Variants in COL4A1 observed in about 807,000 individuals in gnomAD.
COL4A1 encodes the protein collagen type IV alpha 1 chain.
In COL4A1, 40 loss-of-function variants were observed where a neutral mutation model predicts 216.6. The observed-to-expected ratio is 0.18, with a 90% CI of 0.14 to 0.24. The LOEUF (loss-of-function observed/expected upper bound fraction) is 0.24. COL4A1 is among the 10% of genes least tolerant of loss of function. COL4A1 has a pLI of 1.00. For missense variants in COL4A1, 1,628 were observed against 2,196.8 expected (o/e 0.74, Z 5.18); for synonymous variants, 839 against 810.7 (o/e 1.03, Z -0.59).
chr13:110,296,139 A>C (rs1406631990), intron 1 of COL4A1, among the ~76,000 whole-genome samples: 1 of 152,260 alleles, frequency 6.6e-6, no homozygotes, highest in Non-Finnish European at 1.5e-5. Context: ...CTCCTCTCTG[A>C]GTGGCTATGA....
rs576169751 is a variant in COL4A1 at position 110,174,521 on chromosome 13, G to A, written c.3331C>T (p.Pro1111Ser). The A allele has an allele frequency of 6.2e-7, 1 of 1,614,048 alleles. No homozygotes were observed. Among genetic ancestry groups the A allele is most frequent in the South Asian group, 1.1e-5 (1 of 91,064 alleles). The change falls in exon 39 of 52, where the codon CCT becomes TCT. Residue 1111 changes from proline to serine, a missense_variant. Pro to Ser is a moderately conservative substitution (Grantham distance 74, BLOSUM62 -1). This residue lies in a region of COL4A1 where 345 missense variants were observed against 476.9 expected (regional missense o/e 0.72). Transcript: ENST00000375820. Reference sequence around the variant, plus strand: ...TCACCTTTTTCTCCAGGTAGCCCAGGACTTCCTAAAGAAAAAAACAAAACA... The same window carrying A: ...TCACCTTTTTCTCCAGGTAGCCCAGAACTTCCTAAAGAAAAAAACAAAACA... ...SPGSVGYPGS[P>S]GLPGEKGDKG...
chr13:110,200,676 G>C (rs1879148378), intron 20 of COL4A1, among the ~76,000 whole-genome samples, 178 bp downstream of exon 20: 1 of 152,128 alleles, frequency 6.6e-6, no homozygotes, highest in African/African-American at 2.4e-5. Context: ...ACTTACAAAA[G>C]ACAAGATACT....
Position 110,198,476 on chromosome 13 carries a change from C to T in COL4A1, c.1276G>A (p.Gly426Ser). The change falls in exon 21 of 52, where the codon GGC becomes AGC. Residue 426 changes from glycine to serine, a missense_variant. This residue lies in a region of COL4A1 where 701 missense variants were observed against 892.5 expected (regional missense o/e 0.79). Transcript: ENST00000375820. ...PGSPGPPGQP[G>S]YTNGIVECQP... ...TTCTGAGGGAACTCACTTGTGTAGC[C>T]AGGCTGCCCAGGGGGCCCAGGGGAA... 1.2e-6 allele frequency: 2 copies of T among 1,613,858 alleles called. No individual in the cohort carries two copies. The highest frequency in any genetic ancestry group is 1.7e-6 in the Non-Finnish European group (2 of 1,179,974).
At position 110,177,784 on chromosome 13, in the gene COL4A1, C is replaced by T. The variant is rs922983312; in HGVS notation, c.2716+58G>A. On this transcript the variant is annotated intron_variant, in intron 33 of 51. Transcript: ENST00000375820. ...TGATCTATGACAACTTGAGAATTTC[C>T]CAAGTGGCATCGAGAAATAGACACA... The T allele has an allele frequency of 2.6e-5, 40 of 1,554,716 alleles. No individual in the cohort carries two copies. The South Asian group carries it at 4.3e-4, about 17-fold the overall frequency.
intron 1 of COL4A1, among the ~76,000 whole-genome samples, chr13:110,243,115 G>T (rs1038722436): frequency 2.0e-5 from 3 of 152,164 alleles, no homozygotes; most frequent in African/African-American, 7.2e-5. Context: ...TTATTTAGAG[G>T]TGTCAGACCT....
At chr13:110,300,179 G>A (rs1267934200) in intron 1 of COL4A1, among the ~76,000 whole-genome samples, 3 of 152,102 alleles carry the variant, frequency 2.0e-5, no homozygotes, top group Non-Finnish European at 4.4e-5. Flanking sequence ...TTATCATTGA[G>A]TTTATCTGTA....
At chr13:110,163,793 T>G (rs1296214523) in intron 46 of COL4A1, among the ~76,000 whole-genome samples, 1 of 152,086 alleles carries the variant, frequency 6.6e-6, no homozygotes, top group African/African-American at 2.4e-5. Context: ...CGTTCTGAGT[T>G]CTCCCTGGTT....
intron 1 of COL4A1, among the ~76,000 whole-genome samples, chr13:110,248,044 T>C (rs1057110613): frequency 2.0e-5 from 3 of 152,130 alleles, no homozygotes; most frequent in Non-Finnish European, 4.4e-5. Flanking sequence ...TCCCACCAAA[T>C]AGGGACATGT....
In COL4A1 at chr13:110,205,512, T is replaced by C; in HGVS notation, c.885A>G (p.Lys295=). 1 of 1,608,548 alleles carries C rather than the reference T, an allele frequency of 6.2e-7. No homozygotes were observed. The highest frequency in any genetic ancestry group is 8.5e-7 in the Non-Finnish European group (1 of 1,179,868). ...CACTTACGGGACTCCCTTTTTCCCC[T>C]TTGTCACCATCTTTTCCGGGTTTGC... ...PRGKPGKDGD[K]GEKGSPGFPG... is the part of the protein sequence containing the mutation. Residue 295 remains lysine, a synonymous_variant, in exon 16 of 52, where the codon AAA becomes AAG. Coordinates refer to ENST00000375820, the MANE Select transcript of COL4A1 (RefSeq NM_001845.6).
chr13:110,187,272 C>T lies in COL4A1; in HGVS notation c.1594G>A (p.Glu532Lys), dbSNP rs1418632130. 2 of 1,613,408 alleles carry T rather than the reference C, an allele frequency of 1.2e-6. No individual in the cohort carries two copies. The highest frequency in any genetic ancestry group is 3.3e-5 in the Admixed American group (2 of 60,000). ...GQPGAKGEPG[E>K]FYFDLRLKGD... ...TTGAGCCGCAAGTCGAAATAAAACTCACCAGGCTCCCCCTTGGCTCCTGGC... is the reference window on the plus strand; with the variant it reads ...TTGAGCCGCAAGTCGAAATAAAACTTACCAGGCTCCCCCTTGGCTCCTGGC... Residue 532 changes from glutamate (E) to lysine (K), a missense_variant, in exon 25 of 52, where the codon GAG becomes AAG. By Grantham distance (56) the Glu-to-Lys change is moderately conservative (BLOSUM62 1). Around this residue, in one of 8 missense-constraint regions of COL4A1, gnomAD observed 701 missense variants for 892.5 expected, o/e 0.79. Coordinates refer to ENST00000375820, the MANE Select transcript of COL4A1 (RefSeq NM_001845.6).
chr13:110,162,168 G>A (rs1358153045), intron 48 of COL4A1, 62 bp downstream of exon 48: 2 of 1,449,234 alleles, frequency 1.4e-6, no homozygotes, highest in Non-Finnish European at 1.9e-6. Flanking sequence ...GTCCAGCACT[G>A]CACACCGAAG....
At chr13:110,227,387 G>GACACACACACAC (rs373355054) in intron 2 of COL4A1, among the ~76,000 whole-genome samples, 9 of 138,762 alleles carry the variant, frequency 6.5e-5, no homozygotes, top group Admixed American at 2.2e-4. Flanking sequence ...GGGTACGGTA[G>GACACACACACAC]ACACACACAC....
In COL4A1 at chr13:110,195,060, T is replaced by C. The variant is rs761466831; in HGVS notation, c.1344A>G (p.Pro448=). 10 of 1,614,026 alleles carry C rather than the reference T, an allele frequency of 6.2e-6. No individual in the cohort carries two copies. In the African/African-American group the frequency reaches 8.0e-5, roughly 13 times the overall value. Residue 448 remains proline (P), a synonymous_variant, in exon 22 of 52, where the codon CCA becomes CCG. Coordinates refer to ENST00000375820, the MANE Select transcript of COL4A1 (RefSeq NM_001845.6). ...PPGDQGPPGI[P]GQPGFIGEIG... ...TTTCGCCTATAAATCCTGGCTGCCC[T>C]GGAATTCCAGGAGGACCCTGGTCAC...
At chr13:110,181,253 T>A in intron 29 of COL4A1, 39 bp downstream of exon 29, 1 of 1,587,828 alleles carries the variant, frequency 6.3e-7, no homozygotes, top group Non-Finnish European at 8.6e-7. Flanking sequence ...ATAACAAGGA[T>A]GGGGGAGAAG....
At chr13:110,261,960 G>A (rs1298241917) in intron 1 of COL4A1, among the ~76,000 whole-genome samples, 1 of 152,196 alleles carries the variant, frequency 6.6e-6, no homozygotes, top group African/African-American at 2.4e-5. Flanking sequence ...GGGCAGGTGG[G>A]TCCCAGCTGT....
chr13:110,306,970 C>G lies in COL4A1; in HGVS notation c.58G>C (p.Glu20Gln). Residue 20 changes from glutamate to glutamine, a missense_variant, in exon 1 of 52, where the codon GAG (glutamate) becomes CAG (glutamine). By Grantham distance (29) the Glu-to-Gln change is conservative. Coordinates refer to ENST00000375820, the MANE Select transcript of COL4A1 (RefSeq NM_001845.6). The stretch of plus-strand genomic sequence containing the variant: ...TTCGCAGCGGCCCGGCTGTGCTCCT[C>G]GTGGAGCAGAAGGGCGGCGGGCAGC... ...LLLPAALLLH[E>Q]EHSRAAAKGG... is the part of the protein sequence containing the mutation. 5 of 1,475,596 alleles carry G rather than the reference C, an allele frequency of 3.4e-6. No individual in the cohort carries two copies. Among genetic ancestry groups the G allele is most frequent in the South Asian group, 1.3e-5 (1 of 77,764 alleles). The allele number at this position is 1,475,596 out of a possible 1,614,324, so 91.4% of individuals were successfully genotyped here. A position where few individuals can be genotyped will look rare whatever the true frequency, so the allele number is the denominator to read the frequency against.
chr13:110,151,955 T>C (rs1456286685), intron 51 of COL4A1, among the ~76,000 whole-genome samples: 2 of 152,200 alleles, frequency 1.3e-5, no homozygotes, highest in South Asian at 2.1e-4. Flanking sequence ...AAAGTGTACA[T>C]TACGATCAGT....
chr13:110,176,311 C>T (rs1877883058), intron 36 of COL4A1, 113 bp downstream of exon 36: 1 of 771,126 alleles, frequency 1.3e-6, no homozygotes, highest in Non-Finnish European at 2.3e-6. Context: ...ATGTGAAAGA[C>T]ACACGTGCCT....
rs572023941 is a variant in COL4A1, at chr13:110,207,106, C to A, written c.781-215G>T. 2.0e-5 allele frequency among the ~76,000 whole-genome samples: 3 copies of A among 152,042 alleles called. No individual in the cohort carries two copies. The highest frequency in any genetic ancestry group is 1.9e-4 in the East Asian group (1 of 5,178). On this transcript the variant is annotated intron_variant, in intron 13 of 51. Coordinates refer to ENST00000375820, the MANE Select transcript of COL4A1 (RefSeq NM_001845.6). The surrounding 1 kb of genome is among the most constrained non-coding windows in gnomAD (Gnocchi z 4.4). ...GACCCATGATGACTGGCCCTGCCCCCCTCCTGCCCCCCAGCCCAGCTCCCT... is the reference window on the plus strand; with the variant it reads ...GACCCATGATGACTGGCCCTGCCCCACTCCTGCCCCCCAGCCCAGCTCCCT...
Sources: allele counts gnomAD v4.1 joint callset (sites outside exome capture counted in the v4.1 genomes callset), GRCh38; gene constraint gnomAD v4.1.1; regional missense constraint gnomAD v4.1.1; non-coding constraint Gnocchi (gnomAD v3.1); transcripts MANE v1.5; gene names NCBI Gene and HGNC (gene_info 2026-07-23, HGNC 2026-07-21).